The following GPC6 variants were observed in gnomAD, a reference collection of about 807,000 sequenced individuals.
GPC6 encodes glypican-6.
Under a neutral mutation model 55.2 loss-of-function variants are expected in GPC6, and 14 were observed. The ratio of observed to expected loss-of-function variants is 0.25; its 90% CI spans 0.17 to 0.40. The LOEUF (loss-of-function observed/expected upper bound fraction) is 0.40, where lower values mean the gene tolerates loss of function less well. Ranked by LOEUF, GPC6 falls within the 10% of genes least tolerant of loss-of-function variation. GPC6 has a pLI of 1.00. For missense variants in GPC6, 641 were observed against 708.5 expected (o/e 0.90, Z 1.08); for synonymous variants, 278 against 259.6 (o/e 1.07, Z -0.68).
At chr13:93,250,101 C>G (rs1207204400) in intron 1 of GPC6, among the ~76,000 whole-genome samples, 1 of 152,206 alleles carries the variant, frequency 6.6e-6, no homozygotes, top group East Asian at 1.9e-4. Context: ...CTGAACCTCT[C>G]TGTGCCTTGA....
chr13:94,098,388 C>A (rs1369167547), intron 4 of GPC6, among the ~76,000 whole-genome samples: 1 of 152,050 alleles, frequency 6.6e-6, no homozygotes, highest in African/African-American at 2.4e-5. Context: ...ACAATGTATG[C>A]AGAGAAAGAA....
intron 1 of GPC6, among the ~76,000 whole-genome samples, chr13:93,511,001 A>ATATATATATGTG (rs1371340366): frequency 1.3e-4 from 7 of 52,018 alleles, no homozygotes; most frequent in Non-Finnish European, 3.0e-4. Context: ...ATATATATAT[A>ATATATATATGTG]TATATTCATG....
chr13:93,656,036 A>AT (rs542040917), intron 2 of GPC6, among the ~76,000 whole-genome samples: 1 of 152,316 alleles, frequency 6.6e-6, no homozygotes, highest in South Asian at 2.1e-4. Context: ...AAGAAGTAAA[A>AT]TTTTAAAGTA....
At chr13:93,953,295 G>A (rs1879352225) in intron 3 of GPC6, among the ~76,000 whole-genome samples, 2 of 151,962 alleles carry the variant, frequency 1.3e-5, no homozygotes, top group South Asian at 4.1e-4. Flanking sequence ...TTCTTTGTAT[G>A]TTCCCCTTTT....
intron 4 of GPC6, among the ~76,000 whole-genome samples, chr13:94,157,467 T>C (rs778653637): frequency 6.6e-6 from 1 of 151,982 alleles, no homozygotes; most frequent in Non-Finnish European, 1.5e-5. Context: ...GGAGTAGAAA[T>C]AGCCGTGGGA....
chr13:93,757,895 T>A (rs1474729551), intron 2 of GPC6, among the ~76,000 whole-genome samples: 1 of 152,112 alleles, frequency 6.6e-6, no homozygotes, highest in Non-Finnish European at 1.5e-5. Flanking sequence ...AATGGATAAT[T>A]AGGGTTTCTA....
chr13:94,389,100 G>T lies in GPC6; in HGVS notation c.1289+6550G>T, dbSNP rs115221028. Among the ~76,000 whole-genome samples the T allele has an allele frequency of 9.7e-3, 1,482 of 152,296 alleles. 37 individuals are homozygous for T. Among genetic ancestry groups the T allele is most frequent in the African/African-American group, 0.034 (1,408 of 41,574 alleles). Reference sequence around the variant, plus strand: ...CCTAAGCAACTTCTCAGGGGTAAATGTGAGAAGACACAGCAACATTCTGAC... The same window carrying T: ...CCTAAGCAACTTCTCAGGGGTAAATTTGAGAAGACACAGCAACATTCTGAC... On this transcript the variant is annotated intron_variant, in intron 7 of 8. Transcript: ENST00000377047.
chr13:93,778,381 T>C (rs998248985), intron 2 of GPC6, among the ~76,000 whole-genome samples: 2 of 152,166 alleles, frequency 1.3e-5, no homozygotes, highest in African/African-American at 4.8e-5. Context: ...TCTGCCTTAC[T>C]TTATAGACTA....
chr13:94,146,765 T>A (rs564016230), intron 4 of GPC6, among the ~76,000 whole-genome samples: 1 of 152,246 alleles, frequency 6.6e-6, no homozygotes, highest in African/African-American at 2.4e-5. Flanking sequence ...CAAAAGGCAA[T>A]TTCTTAGAAA....
chr13:93,331,887 G>A (rs970596762), intron 1 of GPC6, among the ~76,000 whole-genome samples: 3 of 151,798 alleles, frequency 2.0e-5, no homozygotes, highest in African/African-American at 7.3e-5. Context: ...CCAACCTCTG[G>A]TAAGCAACAT....
At chr13:94,328,238 C>T (rs1170746717) in intron 6 of GPC6, among the ~76,000 whole-genome samples, 6 of 152,294 alleles carry the variant, frequency 3.9e-5, no homozygotes, top group Admixed American at 1.3e-4. Context: ...TTAACAAGTT[C>T]GCCTGTGATC....
chr13:94,192,385 C>T (rs938266937), intron 4 of GPC6, among the ~76,000 whole-genome samples: 1 of 152,126 alleles, frequency 6.6e-6, no homozygotes, highest in Non-Finnish European at 1.5e-5. Flanking sequence ...TCCATAATAG[C>T]CCAGAGTGTG....
At chr13:93,492,001 C>T (rs1478094337) in intron 1 of GPC6, among the ~76,000 whole-genome samples, 66 of 137,236 alleles carry the variant, frequency 4.8e-4, no homozygotes, top group African/African-American at 1.7e-3. Flanking sequence ...CTTGGCGATG[C>T]GGTCTCTTTT....
At chr13:93,770,212 T>A (rs4534700) in intron 2 of GPC6, among the ~76,000 whole-genome samples, 146,550 of 152,262 alleles carry the variant, frequency 0.96, 70,559 homozygotes, top group African/African-American at 0.98. Context: ...TTTTTGCATA[T>A]TTTTTAGTTA....
intron 2 of GPC6, among the ~76,000 whole-genome samples, chr13:93,582,316 A>C (rs1876976983): frequency 6.6e-6 from 1 of 152,210 alleles, no homozygotes; most frequent in Non-Finnish European, 1.5e-5. Context: ...TAAAAATTGG[A>C]AGAAAGAAAA....
At chr13:93,926,440 C>T (rs1008257084) in intron 3 of GPC6, among the ~76,000 whole-genome samples, 2 of 152,116 alleles carry the variant, frequency 1.3e-5, no homozygotes, top group African/African-American at 4.8e-5. Flanking sequence ...CTAACGTCTC[C>T]CTAGGCAGGA....
chr13:93,523,646 G>T (rs1399362914), intron 1 of GPC6, among the ~76,000 whole-genome samples: 1 of 151,970 alleles, frequency 6.6e-6, no homozygotes, highest in Non-Finnish European at 1.5e-5. Flanking sequence ...ATTTTACACA[G>T]CTCCTAAGTT....
intron 2 of GPC6, among the ~76,000 whole-genome samples, chr13:93,685,011 C>CA (rs1385580442): frequency 3.9e-5 from 6 of 151,970 alleles, no homozygotes; most frequent in African/African-American, 1.4e-4. Flanking sequence ...TATCTGGTAG[C>CA]AAAAAATCAC....
chr13:93,989,718 A>G (rs948767496), intron 3 of GPC6, among the ~76,000 whole-genome samples: 5 of 152,084 alleles, frequency 3.3e-5, no homozygotes, highest in African/African-American at 1.2e-4. Context: ...TAAATTGAAG[A>G]CTGGTCGTTC....
Sources: allele counts gnomAD v4.1 joint callset (sites outside exome capture counted in the v4.1 genomes callset), GRCh38; gene constraint gnomAD v4.1.1; transcripts MANE v1.5; gene names NCBI Gene and HGNC (gene_info 2026-07-23, HGNC 2026-07-21).